FRMD3: variants seen among roughly 807,000 people sequenced by gnomAD.
FRMD3 encodes FERM domain containing 3, also known as FERM domain-containing protein 3.
A neutral mutation model predicts 70.2 loss-of-function variants in FRMD3; 33 were observed. That is an observed-to-expected ratio of 0.47 (90% CI 0.36 to 0.63). The LOEUF (loss-of-function observed/expected upper bound fraction) is 0.63. Among genes scored for constraint, FRMD3 ranks in the 20% least tolerant of loss-of-function variants. The pLI, the probability that FRMD3 is intolerant of heterozygous loss-of-function variation, is 0.00. For missense variants in FRMD3, 632 were observed against 711.4 expected (o/e 0.89, Z 1.27); for synonymous variants, 279 against 255.9 (o/e 1.09, Z -0.86).
chr9:83,524,149 G>C (rs1829638360), intron 1 of FRMD3, among the ~76,000 whole-genome samples: 1 of 152,182 alleles, frequency 6.6e-6, no homozygotes, highest in Non-Finnish European at 1.5e-5. Flanking sequence ...TGCATTGCTA[G>C]ATTTTGACTT....
chr9:83,329,133 G>A (rs547732194), intron 6 of FRMD3, among the ~76,000 whole-genome samples: 30 of 151,960 alleles, frequency 2.0e-4, no homozygotes, highest in Admixed American at 1.4e-3. Flanking sequence ...CCCTAGAAAT[G>A]TCCTTTACCC....
intron 6 of FRMD3, among the ~76,000 whole-genome samples, chr9:83,321,664 G>A (rs1268745416): frequency 6.6e-6 from 1 of 152,120 alleles, no homozygotes; most frequent in South Asian, 2.1e-4. Flanking sequence ...TAGCTATTGG[G>A]TAGAACATTC....
chr9:83,289,112 A>G (rs1167861306), intron 13 of FRMD3, among the ~76,000 whole-genome samples: 1 of 152,236 alleles, frequency 6.6e-6, no homozygotes, highest in African/African-American at 2.4e-5. Context: ...TTTCACTCAA[A>G]GCAATATTCC....
At chr9:83,400,781 A>G (rs1825932311) in intron 1 of FRMD3, among the ~76,000 whole-genome samples, 2 of 152,232 alleles carry the variant, frequency 1.3e-5, no homozygotes, top group African/African-American at 4.8e-5. Flanking sequence ...GATAAAATAT[A>G]TATTTTTAAG....
intron 13 of FRMD3, among the ~76,000 whole-genome samples, chr9:83,257,683 C>T (rs919426041): frequency 4.0e-5 from 6 of 151,820 alleles, no homozygotes; most frequent in Non-Finnish European, 7.4e-5. Context: ...TCCAAAGACA[C>T]CAAAATACTA....
At chr9:83,413,951 T>C (rs1826351195) in intron 1 of FRMD3, among the ~76,000 whole-genome samples, 1 of 152,244 alleles carries the variant, frequency 6.6e-6, no homozygotes, top group Non-Finnish European at 1.5e-5. Context: ...GATAGAATTG[T>C]AGTCCTAGCA....
At chr9:83,284,232 G>A (rs1342218052) in intron 13 of FRMD3, among the ~76,000 whole-genome samples, 2 of 152,052 alleles carry the variant, frequency 1.3e-5, no homozygotes, top group African/African-American at 2.4e-5. Context: ...CAGGTAGCAG[G>A]AACCATAAGG....
intron 2 of FRMD3, among the ~76,000 whole-genome samples, chr9:83,375,662 A>G (rs1411556920): frequency 6.6e-6 from 1 of 152,202 alleles, no homozygotes; most frequent in Non-Finnish European, 1.5e-5. Flanking sequence ...AATGGGAGCT[A>G]ATGATGAGAA....
chr9:83,364,105 T>C (rs961471190), intron 3 of FRMD3, among the ~76,000 whole-genome samples: 2 of 152,250 alleles, frequency 1.3e-5, no homozygotes, highest in Non-Finnish European at 2.9e-5. Context: ...CTGAGTCTTT[T>C]GCATATTTTT....
At chr9:83,347,126 C>T (rs1271110231) in intron 4 of FRMD3, among the ~76,000 whole-genome samples, 2 of 152,020 alleles carry the variant, frequency 1.3e-5, no homozygotes, top group Non-Finnish European at 2.9e-5. Flanking sequence ...AGTTGTAATC[C>T]CATAACTCAG....
chr9:83,253,123 G>A (rs1832507986), intron 13 of FRMD3, among the ~76,000 whole-genome samples: 1 of 152,150 alleles, frequency 6.6e-6, no homozygotes, highest in African/African-American at 2.4e-5. Context: ...ATAATTGGAA[G>A]TAAAACACTC....
intron 6 of FRMD3, among the ~76,000 whole-genome samples, chr9:83,316,061 T>C (rs937827313): frequency 6.6e-6 from 1 of 152,192 alleles, no homozygotes; most frequent in Non-Finnish European, 1.5e-5. Context: ...TTTTCTCCTA[T>C]TCCTTTTCTA....
intron 1 of FRMD3, among the ~76,000 whole-genome samples, chr9:83,392,568 A>G (rs1419815342): frequency 2.6e-5 from 4 of 152,154 alleles, no homozygotes; most frequent in Non-Finnish European, 5.9e-5. Flanking sequence ...TCCTGAAGAT[A>G]GAGGTTCCTT....
chr9:83,379,785 A>T (rs986610668), intron 2 of FRMD3, among the ~76,000 whole-genome samples: 1 of 152,152 alleles, frequency 6.6e-6, no homozygotes, highest in African/African-American at 2.4e-5. Flanking sequence ...GGTAGCTCTT[A>T]ACTAATGACT....
rs370080713 is a variant in FRMD3, at chr9:83,535,357, T to A, written c.147+2728A>T. Among the ~76,000 whole-genome samples, 13 of 152,184 alleles carry A rather than the reference T, an allele frequency of 8.5e-5. 1 individual carries two copies. In the East Asian group the frequency reaches 1.9e-3, roughly 23 times the overall value. ...TTTGAGTGGCTCATTTTTCTTTGAA[T>A]CTGGAATGCTTACCTACTAGAGAAC... On this transcript the variant is annotated intron_variant, in intron 1 of 13. Transcript: ENST00000304195.
At chr9:83,446,510 G>A (rs866627706) in intron 1 of FRMD3, among the ~76,000 whole-genome samples, 12 of 152,124 alleles carry the variant, frequency 7.9e-5, no homozygotes, top group Middle Eastern at 3.4e-3. Context: ...AGCCGGGCGC[G>A]GTGGCGGGCG....
At chr9:83,380,131 G>T (rs1825311141) in intron 2 of FRMD3, among the ~76,000 whole-genome samples, 1 of 152,096 alleles carries the variant, frequency 6.6e-6, no homozygotes, top group Non-Finnish European at 1.5e-5. Context: ...CATTTCCCTG[G>T]GTATTTATTC....
At chr9:83,287,208 C>A (rs1051544529) in intron 13 of FRMD3, among the ~76,000 whole-genome samples, 1 of 152,188 alleles carries the variant, frequency 6.6e-6, no homozygotes, top group Non-Finnish European at 1.5e-5. Context: ...AACCAGAGAA[C>A]TATTTTGCTC....
At chr9:83,311,311 C>A (rs1420577298) in intron 8 of FRMD3, among the ~76,000 whole-genome samples, 2 of 151,690 alleles carry the variant, frequency 1.3e-5, no homozygotes, top group African/African-American at 4.8e-5. Context: ...AAAACAGAGA[C>A]CTAAATCCTT....
Sources: allele counts gnomAD v4.1 joint callset (sites outside exome capture counted in the v4.1 genomes callset), GRCh38; gene constraint gnomAD v4.1.1; transcripts MANE v1.5; gene names NCBI Gene and HGNC (gene_info 2026-07-23, HGNC 2026-07-21).